The following RASA1 variants were observed in gnomAD, a reference collection of about 807,000 sequenced individuals.
RASA1 encodes the protein ras GTPase-activating protein 1.
A neutral mutation model predicts 132.2 loss-of-function variants in RASA1; 25 were observed. The ratio of observed to expected loss-of-function variants is 0.19; its 90% CI spans 0.14 to 0.26. RASA1 has a LOEUF of 0.26. Ranked by LOEUF, RASA1 falls within the 10% of genes least tolerant of loss-of-function variation. RASA1 has a pLI of 1.00. For synonymous variants in RASA1, 477 were observed against 449.9 expected (o/e 1.06, Z -0.76); for missense variants, 964 against 1,299.2 (o/e 0.74, Z 3.97).
chr5:87,344,423 A>C (rs903596391), intron 6 of RASA1, among the ~76,000 whole-genome samples: 1 of 152,142 alleles, frequency 6.6e-6, no homozygotes, highest in Admixed American at 6.6e-5. Context: ...ATGATCTGTT[A>C]TCTGGTTATT....
chr5:87,284,774 C>T (rs1347911590), intron 1 of RASA1, among the ~76,000 whole-genome samples: 1 of 152,104 alleles, frequency 6.6e-6, no homozygotes, highest in Non-Finnish European at 1.5e-5. Context: ...AAGAACACAA[C>T]CCTCACACTA....
chr5:87,339,339 C>T (rs1192192540), intron 5 of RASA1, among the ~76,000 whole-genome samples: 1 of 152,034 alleles, frequency 6.6e-6, no homozygotes, highest in Non-Finnish European at 1.5e-5. Flanking sequence ...GATTAGGACT[C>T]CTAATTCCTA....
Position 87,340,772 on chromosome 5 carries a change from T to TG in RASA1, c.1018-516dup, listed in dbSNP as rs553555055. ...TATCTAACAAGTAGAAAGCAAAAAG[T>TG]GGAAAGTACATTCTAAGAACAAAAA... is the stretch of plus-strand genomic sequence containing the variant. On this transcript the variant is annotated intron_variant, in intron 5 of 24. Coordinates refer to ENST00000274376, the MANE Select transcript of RASA1 (RefSeq NM_002890.3). Among the ~76,000 whole-genome samples the TG allele has an allele frequency of 7.2e-5, 11 of 152,208 alleles. No individual in the cohort carries two copies. The East Asian group carries it at 2.1e-3, about 29-fold the overall frequency.
At chr5:87,360,937 T>C (rs905422611) in intron 9 of RASA1, among the ~76,000 whole-genome samples, 9 of 152,244 alleles carry the variant, frequency 5.9e-5, no homozygotes, top group African/African-American at 1.4e-4. Context: ...ATTTTAAGTA[T>C]GTTCAATCAA....
chr5:87,324,662 CACAT>C (rs1757087638), intron 1 of RASA1, among the ~76,000 whole-genome samples: 2 of 152,262 alleles, frequency 1.3e-5, no homozygotes, highest in African/African-American at 4.8e-5. Context: ...TGTGCACACA[CACAT>C]ACATATGCAC....
intron 1 of RASA1, among the ~76,000 whole-genome samples, chr5:87,287,253 A>G (rs1216867120): frequency 6.7e-6 from 1 of 148,186 alleles, no homozygotes. Context: ...TACCGTATAT[A>G]TACACACCAT....
chr5:87,299,355 T>C (rs1035310836), intron 1 of RASA1, among the ~76,000 whole-genome samples: 43 of 152,204 alleles, frequency 2.8e-4, no homozygotes, highest in African/African-American at 9.9e-4. Flanking sequence ...TTTTTAATGC[T>C]TTTAGTGAAT....
intron 9 of RASA1, among the ~76,000 whole-genome samples, chr5:87,361,870 C>G (rs1016632392): frequency 3.3e-5 from 5 of 151,672 alleles, no homozygotes; most frequent in South Asian, 2.1e-4. Context: ...ATATGTACAT[C>G]CTACAATAAA....
intron 1 of RASA1, among the ~76,000 whole-genome samples, chr5:87,307,148 G>A (rs1464554340): frequency 1.3e-5 from 2 of 152,184 alleles, no homozygotes; most frequent in African/African-American, 4.8e-5. Flanking sequence ...GATAACAGGT[G>A]TGAGCCACTT....
At chr5:87,304,480 T>C (rs1235057617) in intron 1 of RASA1, among the ~76,000 whole-genome samples, 1 of 151,976 alleles carries the variant, frequency 6.6e-6, no homozygotes, top group African/African-American at 2.4e-5. Flanking sequence ...CTTTTTTTTT[T>C]TTTTTGACAT....
intron 7 of RASA1, among the ~76,000 whole-genome samples, chr5:87,348,629 ATTAC>A (rs2112419695): frequency 6.6e-6 from 1 of 151,490 alleles, no homozygotes; most frequent in East Asian, 1.9e-4. Flanking sequence ...TATTACAGTT[ATTAC>A]TTTTTAATTT....
At chr5:87,335,290 G>C (rs1757882019) in intron 4 of RASA1, among the ~76,000 whole-genome samples, 1 of 152,052 alleles carries the variant, frequency 6.6e-6, no homozygotes, top group Admixed American at 6.6e-5. Flanking sequence ...AGTGTTTGTT[G>C]CCAATGACAA....
chr5:87,286,613 A>C (rs752583316), intron 1 of RASA1, among the ~76,000 whole-genome samples: 16 of 152,070 alleles, frequency 1.1e-4, no homozygotes, highest in Non-Finnish European at 2.2e-4. Context: ...GAAAGCAACT[A>C]AATTGAATTT....
In RASA1 at chr5:87,350,410, C is replaced by G. The variant is rs77118969; in HGVS notation, c.1253+1046C>G. 7.5e-3 allele frequency among the ~76,000 whole-genome samples: 1,140 copies of G among 151,874 alleles called. 18 individuals are homozygous for G. Among genetic ancestry groups the G allele is most frequent in the African/African-American group, 0.027 (1,101 of 41,508 alleles). On this transcript the variant is annotated intron_variant, in intron 8 of 24. Coordinates refer to ENST00000274376, the MANE Select transcript of RASA1 (RefSeq NM_002890.3). ...ATTCCAGTTTTCTGGAGATTTAGAACATACAAAATAATGCACTGAAAATAT... is the reference window on the plus strand; with the variant it reads ...ATTCCAGTTTTCTGGAGATTTAGAAGATACAAAATAATGCACTGAAAATAT...
chr5:87,323,719 T>A (rs1469036537), intron 1 of RASA1, among the ~76,000 whole-genome samples: 1 of 149,014 alleles, frequency 6.7e-6, no homozygotes, highest in Non-Finnish European at 1.5e-5. Context: ...AGTCAATTCT[T>A]TTTTTTTTTG....
rs549153450 is a variant in RASA1, at chr5:87,318,205, T to G, written c.540-13143T>G. Among the ~76,000 whole-genome samples, 13 of 152,270 alleles carry G rather than the reference T, an allele frequency of 8.5e-5. No individual in the cohort carries two copies. In the South Asian group the frequency reaches 1.0e-3, roughly 12 times the overall value. On this transcript the variant is annotated intron_variant, in intron 1 of 24. Transcript: ENST00000274376. The stretch of plus-strand genomic sequence containing the variant: ...CCACAAATATTTGTGGATTCCCTAC[T>G]GTATGCAAAGCACTGTACTAAGAAT...
intron 1 of RASA1, among the ~76,000 whole-genome samples, chr5:87,281,052 T>G (rs893590504): frequency 6.6e-6 from 1 of 152,174 alleles, no homozygotes; most frequent in Non-Finnish European, 1.5e-5. Context: ...GTGCACATGG[T>G]ATATAAATAT....
chr5:87,332,926 T>C (rs1399050871), intron 3 of RASA1, among the ~76,000 whole-genome samples: 1 of 152,150 alleles, frequency 6.6e-6, no homozygotes, highest in Non-Finnish European at 1.5e-5. Flanking sequence ...ACTGATTTCA[T>C]AGTATTAACC....
At position 87,385,291 on chromosome 5, in the gene RASA1, T is replaced by G; in HGVS notation, c.2759-10T>G. 3 of 1,583,118 alleles carry G rather than the reference T, an allele frequency of 1.9e-6. No individual in the cohort carries two copies. The highest frequency in any genetic ancestry group is 2.6e-6 in the Non-Finnish European group (3 of 1,152,308). On this transcript the variant is annotated splice_polypyrimidine_tract_variant and intron_variant, in intron 21 of 24. Coordinates refer to ENST00000274376, the MANE Select transcript of RASA1 (RefSeq NM_002890.3). ...CTTGGTGTCATTAGCTGTGCCCAAT[T>G]CTGTTACAGATTCTCCATCTCCTAT...
Sources: allele counts gnomAD v4.1 joint callset (sites outside exome capture counted in the v4.1 genomes callset), GRCh38; gene constraint gnomAD v4.1.1; transcripts MANE v1.5; gene names NCBI Gene and HGNC (gene_info 2026-07-23, HGNC 2026-07-21).